The following FCRL1 variants were observed in gnomAD, a reference collection of about 807,000 sequenced individuals.
FCRL1 encodes Fc receptor-like protein 1.
FCRL1 carries 34 observed loss-of-function variants against 49.2 expected under a neutral mutation model. The observed-to-expected ratio is 0.69, with a 90% confidence interval of 0.53 to 0.92. The LOEUF is 0.92. Ranked by LOEUF, FCRL1 falls within the 40% of genes least tolerant of loss-of-function variation. The probability of loss-of-function intolerance (pLI) is 0.00; values close to 1 mark genes in which losing one functional copy is unlikely to be tolerated. For synonymous variants in FCRL1, 218 were observed against 201.6 expected (o/e 1.08, Z -0.69); for missense variants, 524 against 524.1 (o/e 1.00, Z 0.00).
chr1:157,802,660 GA>G lies in FCRL1; in HGVS notation c.323del (p.Val108AlafsTer6). On this transcript the variant is annotated frameshift_variant, in exon 4 of 11. Transcript: ENST00000368176. LOFTEE classifies it high-confidence loss of function. ...TCTCCAAGCTCACATCAGCGACAGG[GA>G]CCCCTGTGTGGACACAAGATGACAT... ...SRRSQINVHR[V>X]PVADVSLETQ... 6.2e-7 allele frequency: 1 copy of G among 1,612,466 alleles called. No individual in the cohort carries two copies. The highest frequency in any genetic ancestry group is 8.5e-7 in the Non-Finnish European group (1 of 1,179,172).
Position 157,820,092 on chromosome 1 carries a change from A to C in FCRL1, c.-55T>G, listed in dbSNP as rs1027754616. On this transcript the variant is annotated 5_prime_UTR_variant, in exon 1 of 11. Transcript: ENST00000368176. ...ATGCCTCTCATCAAAAAAAGAATGC[A>C]CCTCAGAGTCGAGCAGCAGCAGCTC... is the stretch of plus-strand genomic sequence containing the variant. 6.2e-7 allele frequency: 1 copy of C among 1,601,014 alleles called. No individual in the cohort carries two copies. The highest frequency in any genetic ancestry group is 1.3e-5 in the African/African-American group (1 of 74,668).
At chr1:157,808,620 A>C (rs1349620923) in intron 1 of FCRL1, among the ~76,000 whole-genome samples, 1 of 152,218 alleles carries the variant, frequency 6.6e-6, no homozygotes, top group Non-Finnish European at 1.5e-5. Flanking sequence ...TTTGGATTTC[A>C]TTCTAGGTGT....
intron 1 of FCRL1, among the ~76,000 whole-genome samples, chr1:157,819,585 CAAAG>C (rs1232092610): frequency 6.6e-6 from 1 of 151,986 alleles, no homozygotes; most frequent in Non-Finnish European, 1.5e-5. Context: ...ATGCTGAAAA[CAAAG>C]GAGTGATGAT....
intron 1 of FCRL1, among the ~76,000 whole-genome samples, chr1:157,808,989 GTAGTACAGGTGGAAGA>G (rs1468348480): frequency 2.6e-5 from 4 of 152,186 alleles, no homozygotes; most frequent in Admixed American, 6.5e-5. Context: ...TGTGGTGGTG[GTAGTACAGGTGGAAGA>G]TCAAGAGATC....
intron 2 of FCRL1, among the ~76,000 whole-genome samples, chr1:157,805,444 T>C (rs1041796380): frequency 6.6e-6 from 1 of 152,258 alleles, no homozygotes; most frequent in Non-Finnish European, 1.5e-5. Flanking sequence ...TTTTTGTTTT[T>C]GGAAACTTTT....
intron 1 of FCRL1, among the ~76,000 whole-genome samples, chr1:157,810,145 A>G (rs996128779): frequency 3.9e-5 from 6 of 152,192 alleles, no homozygotes; most frequent in Non-Finnish European, 7.3e-5. Flanking sequence ...AACAGTTTCA[A>G]TGGAGTGGTA....
chr1:157,814,668 A>G (rs1260728794), intron 1 of FCRL1, among the ~76,000 whole-genome samples: 2 of 152,066 alleles, frequency 1.3e-5, no homozygotes, highest in East Asian at 3.8e-4. Flanking sequence ...TAAAAAATAT[A>G]GAGTGGCTGA....
rs1653876052 is a variant in FCRL1 at position 157,808,892 on chromosome 1, C to T, written c.32-1770G>A. ...GGAGAGAGAGGGGAATTAAGTATGA[C>T]TCTTAGATTTTTGGCCACAGCAACT... On this transcript the variant is annotated intron_variant, in intron 1 of 10. Coordinates refer to ENST00000368176, the MANE Select transcript of FCRL1 (RefSeq NM_052938.5). Among the ~76,000 whole-genome samples, 2 of 116,258 alleles carry T rather than the reference C, an allele frequency of 1.7e-5. 1 individual carries two copies. The highest frequency in any genetic ancestry group is 1.7e-4 in the Admixed American group (2 of 12,040). 76.3% of individuals were successfully genotyped at this position (116,258 alleles called of 152,430 possible). A position where few individuals can be genotyped will look rare whatever the true frequency, so the allele number is the denominator to read the frequency against.
Position 157,802,410 on chromosome 1 carries a change from T to TGGGACC in FCRL1, c.568_573dup (p.Gly190_Pro191dup). The TGGGACC allele has an allele frequency of 6.2e-7, 1 of 1,614,220 alleles. No individual in the cohort carries two copies. The highest frequency in any genetic ancestry group is 8.5e-7 in the Non-Finnish European group (1 of 1,180,032). ...GTGATGCTCACCAGCCCACTGGGGC[T>TGGGACC]GGGACCATAGCCATTTTCAGCTACA... is the stretch of plus-strand genomic sequence containing the variant. On this transcript the variant is annotated inframe_insertion, in exon 4 of 11. Coordinates refer to ENST00000368176, the MANE Select transcript of FCRL1 (RefSeq NM_052938.5).
intron 3 of FCRL1, among the ~76,000 whole-genome samples, chr1:157,803,606 A>C (rs1281897102): frequency 1.3e-5 from 2 of 152,116 alleles, no homozygotes; most frequent in Non-Finnish European, 2.9e-5. Context: ...TCTTCCCCCC[A>C]CACCCTCCAG....
chr1:157,818,725 T>C (rs957658609), intron 1 of FCRL1, among the ~76,000 whole-genome samples: 2 of 152,172 alleles, frequency 1.3e-5, no homozygotes, highest in East Asian at 3.8e-4. Context: ...GAAAACATTC[T>C]GAAATTGATT....
At chr1:157,802,336 G>A in intron 4 of FCRL1, 41 bp downstream of exon 4, 1 of 1,601,322 alleles carries the variant, frequency 6.2e-7, no homozygotes, top group Non-Finnish European at 8.5e-7. Flanking sequence ...GTGGAGCCCA[G>A]TTTGTGACTG....
chr1:157,796,448 C>A (rs1651499226), intron 10 of FCRL1, among the ~76,000 whole-genome samples: 1 of 152,140 alleles, frequency 6.6e-6, no homozygotes, highest in South Asian at 2.1e-4. Flanking sequence ...CATGGGCTGT[C>A]ATTTTTTAAA....
rs182509503 is a variant in FCRL1 at position 157,815,741 on chromosome 1, A to C, written c.31+4266T>G. Among the ~76,000 whole-genome samples the C allele has an allele frequency of 2.0e-5, 3 of 151,320 alleles. No individual in the cohort carries two copies. The East Asian group carries it at 5.8e-4, about 29-fold the overall frequency. ...AGAAAAAGGAGAGAAAATTCAAATAATAAAATCAGAGATAAAAAGGGAGCA... is the reference window on the plus strand; with the variant it reads ...AGAAAAAGGAGAGAAAATTCAAATACTAAAATCAGAGATAAAAAGGGAGCA... On this transcript the variant is annotated intron_variant, in intron 1 of 10. Coordinates refer to ENST00000368176, the MANE Select transcript of FCRL1 (RefSeq NM_052938.5).
chr1:157,794,695 G>A lies in FCRL1; in HGVS notation c.*1404C>T, dbSNP rs1450772157. The A allele has an allele frequency of 1.2e-4, 18 of 152,044 alleles. No individual in the cohort carries two copies. Among genetic ancestry groups the A allele is most frequent in the Admixed American group, 1.2e-3 (18 of 15,252 alleles). 9.4% of individuals were successfully genotyped at this position (152,044 alleles called of 1,614,324 possible). On this transcript the variant is annotated 3_prime_UTR_variant, in exon 11 of 11. Transcript: ENST00000368176. The stretch of plus-strand genomic sequence containing the variant: ...TGAATTTTTTGAGAGTCTCCTTAAT[G>A]TCCACCAGTGATGAGAAGGATTAAA...
At position 157,794,947 on chromosome 1, in the gene FCRL1, T is replaced by G. The variant is rs190688999; in HGVS notation, c.*1152A>C. ...ATAGGTACACTTCTAAATGTTTATA[T>G]ACTTACATGTATGCATAAGTATACA... On this transcript the variant is annotated 3_prime_UTR_variant, in exon 11 of 11. Coordinates refer to ENST00000368176, the MANE Select transcript of FCRL1 (RefSeq NM_052938.5). 6.6e-6 allele frequency: 1 copy of G among 152,358 alleles called. No homozygotes were observed. Among genetic ancestry groups the G allele is most frequent in the East Asian group, 1.9e-4 (1 of 5,192 alleles). 9.4% of individuals were successfully genotyped at this position (152,358 alleles called of 1,614,324 possible).
intron 3 of FCRL1, among the ~76,000 whole-genome samples, chr1:157,803,327 C>T (rs1416387825): frequency 6.6e-6 from 1 of 152,200 alleles, no homozygotes; most frequent in Non-Finnish European, 1.5e-5. Context: ...TCAACACTGA[C>T]ATGGAATAAC....
At chr1:157,818,938 AG>A in intron 1 of FCRL1, among the ~76,000 whole-genome samples, 1 of 152,286 alleles carries the variant, frequency 6.6e-6, no homozygotes, top group East Asian at 1.9e-4. Context: ...AGAAAGTAAG[AG>A]GGTCATGGGC....
At position 157,795,107 on chromosome 1, in the gene FCRL1, G is replaced by A. The variant is rs1651284327; in HGVS notation, c.*992C>T. On this transcript the variant is annotated 3_prime_UTR_variant, in exon 11 of 11. Coordinates refer to ENST00000368176, the MANE Select transcript of FCRL1 (RefSeq NM_052938.5). ...AATGTTTATTAATTCATAAGAGTGAGTGCCTGGTTATTTTAAAATTCAATA... is the reference window on the plus strand; with the variant it reads ...AATGTTTATTAATTCATAAGAGTGAATGCCTGGTTATTTTAAAATTCAATA... 6.6e-6 allele frequency: 1 copy of A among 152,170 alleles called. No homozygotes were observed. Among genetic ancestry groups the A allele is most frequent in the South Asian group, 2.1e-4 (1 of 4,830 alleles). The allele number at this position is 152,170 out of a possible 1,614,324, so 9.4% of individuals were successfully genotyped here. A position where few individuals can be genotyped will look rare whatever the true frequency, so the allele number is the denominator to read the frequency against.
Sources: gnomAD v4.1 joint callset for allele counts (sites outside exome capture counted in the v4.1 genomes callset) on GRCh38, gnomAD v4.1.1 for gene constraint, MANE v1.5 for transcripts, NCBI Gene and HGNC (gene_info 2026-07-23, HGNC 2026-07-21) for gene names.